The following KCNK2 variants were observed in gnomAD, a reference collection of about 807,000 sequenced individuals.
KCNK2 encodes potassium two pore domain channel subfamily K member 2, also known as potassium channel subfamily K member 2.
In KCNK2, 21 loss-of-function variants were observed where a neutral mutation model predicts 40.5. The observed-to-expected ratio is 0.52, with a 90% confidence interval of 0.37 to 0.75. The LOEUF is 0.75. KCNK2 is among the 30% of genes least tolerant of loss of function. The pLI is 0.00. For missense variants in KCNK2, 399 were observed against 531.6 expected (o/e 0.75, Z 2.45); for synonymous variants, 191 against 202.2 (o/e 0.94, Z 0.47).
At chr1:215,133,336 A>G (rs1206493554) in intron 3 of KCNK2, among the ~76,000 whole-genome samples, 1 of 152,230 alleles carries the variant, frequency 6.6e-6, no homozygotes, top group Non-Finnish European at 1.5e-5. Context: ...CATGAAGTTC[A>G]TGCCCTGAAT....
intron 6 of KCNK2, among the ~76,000 whole-genome samples, chr1:215,227,552 A>C (rs1666433718): frequency 6.6e-6 from 1 of 152,310 alleles, no homozygotes; most frequent in Non-Finnish European, 1.5e-5. Flanking sequence ...GTCACTTTAA[A>C]GAGTTGGAAC....
intron 1 of KCNK2, among the ~76,000 whole-genome samples, chr1:215,026,232 A>C (rs1033881310): frequency 2.0e-5 from 3 of 151,972 alleles, no homozygotes; most frequent in Non-Finnish European, 4.4e-5. Context: ...AGCTCTCTTC[A>C]TATAATTGTA....
intron 3 of KCNK2, among the ~76,000 whole-genome samples, chr1:215,149,032 C>T (rs893016553): frequency 6.6e-6 from 1 of 152,050 alleles, no homozygotes; most frequent in Non-Finnish European, 1.5e-5. Flanking sequence ...ATGATTTGTG[C>T]TGAACGATTT....
At chr1:215,135,979 C>A (rs941953975) in intron 3 of KCNK2, among the ~76,000 whole-genome samples, 3 of 152,156 alleles carry the variant, frequency 2.0e-5, no homozygotes, top group African/African-American at 7.2e-5. Flanking sequence ...ATGATCCACC[C>A]ACCTCAGCCT....
intron 1 of KCNK2, among the ~76,000 whole-genome samples, chr1:215,045,448 GCAAACTAAAATT>G (rs1287548610): frequency 6.6e-6 from 1 of 152,126 alleles, no homozygotes; most frequent in African/African-American, 2.4e-5. Flanking sequence ...ATTTTCCTTT[GCAAACTAAAATT>G]CAAAGAGAAC....
At chr1:215,178,211 T>C (rs911325050) in intron 5 of KCNK2, among the ~76,000 whole-genome samples, 1 of 152,174 alleles carries the variant, frequency 6.6e-6, no homozygotes, top group Non-Finnish European at 1.5e-5. Flanking sequence ...TACATTGATT[T>C]TGTATCTTCA....
upstream of KCNK2, among the ~76,000 whole-genome samples, chr1:215,081,411 A>G (rs561133957): frequency 6.6e-6 from 1 of 152,228 alleles, no homozygotes; most frequent in East Asian, 1.9e-4. Context: ...AGGACATCTG[A>G]TTGTATTACT....
At chr1:215,058,694 C>T (rs957272938) in intron 1 of KCNK2, among the ~76,000 whole-genome samples, 1 of 152,148 alleles carries the variant, frequency 6.6e-6, no homozygotes, top group African/African-American at 2.4e-5. Flanking sequence ...CCTACATAAT[C>T]GCCCCCCTGA....
At chr1:215,075,291 T>C (rs1658888538) in intron 1 of KCNK2, among the ~76,000 whole-genome samples, 1 of 152,234 alleles carries the variant, frequency 6.6e-6, no homozygotes, top group Non-Finnish European at 1.5e-5. Flanking sequence ...TCATATATTT[T>C]AGGAATTTTT....
At chr1:215,208,670 G>A (rs1177994427) in intron 6 of KCNK2, among the ~76,000 whole-genome samples, 1 of 151,918 alleles carries the variant, frequency 6.6e-6, no homozygotes, top group Non-Finnish European at 1.5e-5. Context: ...CCTAAAGCTA[G>A]GTAGAAAATA....
intron 6 of KCNK2, among the ~76,000 whole-genome samples, chr1:215,210,938 C>T (rs944137144): frequency 6.6e-6 from 1 of 152,068 alleles, no homozygotes; most frequent in Non-Finnish European, 1.5e-5. Flanking sequence ...AATCACTTCT[C>T]ACTTGTTTCA....
intron 1 of KCNK2, among the ~76,000 whole-genome samples, chr1:215,029,533 A>G (rs1034825561): frequency 6.8e-6 from 1 of 147,192 alleles, no homozygotes; most frequent in African/African-American, 2.5e-5. Flanking sequence ...TTTAAATATA[A>G]ATATATCCAA....
In KCNK2 at chr1:215,169,373, A is replaced by C. The variant is rs541559925; in HGVS notation, c.636+14A>C. The stretch of plus-strand genomic sequence containing the variant: ...GATACGTTTATTGTGAGTATGATAG[A>C]TATTTAACTACGTATATTTATTGTT... On this transcript the variant is annotated intron_variant, in intron 4 of 6. Transcript: ENST00000444842. The C allele has an allele frequency of 9.6e-6, 15 of 1,569,348 alleles. No individual in the cohort carries two copies. The South Asian group carries it at 1.7e-4, about 18-fold the overall frequency.
chr1:215,161,801 C>T (rs1003361917), intron 3 of KCNK2, among the ~76,000 whole-genome samples: 1 of 152,122 alleles, frequency 6.6e-6, no homozygotes, highest in African/African-American at 2.4e-5. Flanking sequence ...GTATATGTGC[C>T]ACATTTTCTT....
In KCNK2 at chr1:215,056,303, C is replaced by T. The variant is rs111833058; in HGVS notation, c.35-30065C>T. On this transcript the variant is annotated intron_variant, in intron 1 of 6. Transcript: ENST00000391895. ...AGCCTGGGCAACAAGAGTGAAACTC[C>T]ATCTCAAAAAAAAAAAAAAAGGAAA... is the stretch of plus-strand genomic sequence containing the variant. Among the ~76,000 whole-genome samples, 230 of 31,394 alleles carry T rather than the reference C, an allele frequency of 7.3e-3. 1 individual carries two copies. Among genetic ancestry groups the T allele is most frequent in the African/African-American group, 0.018 (224 of 12,776 alleles). 20.6% of individuals were successfully genotyped at this position (31,394 alleles called of 152,430 possible).
chr1:215,137,627 C>G (rs1356156194), intron 3 of KCNK2, among the ~76,000 whole-genome samples: 1 of 152,056 alleles, frequency 6.6e-6, no homozygotes, highest in Non-Finnish European at 1.5e-5. Context: ...TGCTTTTGAC[C>G]AGGTCATTGA....
At chr1:215,023,783 C>T (rs1443570905) in intron 1 of KCNK2, among the ~76,000 whole-genome samples, 1 of 152,200 alleles carries the variant, frequency 6.6e-6, no homozygotes, top group East Asian at 1.9e-4. Context: ...AAGAAATTTG[C>T]ATGAGAGGTG....
chr1:215,048,516 C>T (rs1025150353), intron 1 of KCNK2, among the ~76,000 whole-genome samples: 1 of 152,128 alleles, frequency 6.6e-6, no homozygotes, highest in African/African-American at 2.4e-5. Context: ...CATACTTTAG[C>T]AACAAACACA....
intron 1 of KCNK2, among the ~76,000 whole-genome samples, chr1:215,027,187 A>G (rs1032064459): frequency 1.3e-5 from 2 of 152,134 alleles, no homozygotes; most frequent in East Asian, 3.9e-4. Flanking sequence ...TAATCGTATC[A>G]GCAAAATGGA....
Sources: gnomAD v4.1 joint callset for allele counts (sites outside exome capture counted in the v4.1 genomes callset) on GRCh38, gnomAD v4.1.1 for gene constraint, MANE v1.5 for transcripts, NCBI Gene and HGNC (gene_info 2026-07-23, HGNC 2026-07-21) for gene names.